Variants in PCDH15 observed in about 807,000 individuals in gnomAD.
PCDH15 encodes protocadherin-15.
A neutral mutation model predicts 178.5 loss-of-function variants in PCDH15; 129 were observed. The observed-to-expected ratio is 0.72, with a 90% confidence interval of 0.63 to 0.84. PCDH15 has a LOEUF of 0.84. PCDH15 is among the 40% of genes least tolerant of loss of function. The probability of loss-of-function intolerance (pLI) is 0.00; values close to 1 mark genes in which losing one functional copy is unlikely to be tolerated. For synonymous variants in PCDH15, 800 were observed against 732.0 expected (o/e 1.09, Z -1.50); for missense variants, 2,230 against 2,099.9 (o/e 1.06, Z -1.21).
chr10:54,253,463 T>C (rs2056660714), intron 8 of PCDH15, among the ~76,000 whole-genome samples: 1 of 151,988 alleles, frequency 6.6e-6, no homozygotes, highest in East Asian at 1.9e-4. Flanking sequence ...CAACAGTGAG[T>C]TATATATTTT....
intron 3 of PCDH15, among the ~76,000 whole-genome samples, chr10:54,854,249 C>T (rs1361493466): frequency 6.6e-6 from 1 of 152,168 alleles, no homozygotes; most frequent in East Asian, 1.9e-4. Context: ...CCAGAAACTC[C>T]AGGGCCCCAA....
At chr10:54,353,702 T>C (rs1380063322) in intron 5 of PCDH15, among the ~76,000 whole-genome samples, 1 of 152,218 alleles carries the variant, frequency 6.6e-6, no homozygotes, top group South Asian at 2.1e-4. Flanking sequence ...TCATTAATGT[T>C]TTTCAGATTC....
intron 3 of PCDH15, among the ~76,000 whole-genome samples, chr10:54,443,844 T>C (rs540305550): frequency 6.6e-6 from 1 of 151,796 alleles, no homozygotes; most frequent in East Asian, 1.9e-4. Flanking sequence ...CCATTGTCTC[T>C]TTTCCCAGCT....
intron 3 of PCDH15, among the ~76,000 whole-genome samples, chr10:54,388,073 G>C (rs900212712): frequency 6.6e-6 from 1 of 152,118 alleles, no homozygotes; most frequent in African/African-American, 2.4e-5. Context: ...ACAACTGTAT[G>C]AATATACTTA....
intron 13 of PCDH15, among the ~76,000 whole-genome samples, chr10:54,164,423 T>C (rs2046006810): frequency 6.6e-6 from 1 of 152,148 alleles, no homozygotes; most frequent in South Asian, 2.1e-4. Context: ...AACATAAAAC[T>C]TACAACTAGG....
chr10:55,360,289 G>C (rs751687194), intron 2 of PCDH15, among the ~76,000 whole-genome samples: 21 of 151,832 alleles, frequency 1.4e-4, no homozygotes, highest in Non-Finnish European at 2.9e-4. Context: ...TACATGAATT[G>C]TGTGTGTATA....
At chr10:55,621,216 T>C (rs529231039) in intron 2 of PCDH15, among the ~76,000 whole-genome samples, 2 of 152,330 alleles carry the variant, frequency 1.3e-5, no homozygotes, top group African/African-American at 4.8e-5. Context: ...AAATAAAAAC[T>C]GGAAAATTAT....
At chr10:55,434,235 T>C (rs1036741283) in intron 2 of PCDH15, among the ~76,000 whole-genome samples, 1 of 150,408 alleles carries the variant, frequency 6.6e-6, no homozygotes, top group Non-Finnish European at 1.5e-5. Context: ...GCCCAGCTAA[T>C]TTTTTTTTGT....
chr10:55,407,618 T>A (rs1341456233), intron 2 of PCDH15, among the ~76,000 whole-genome samples: 3 of 152,142 alleles, frequency 2.0e-5, no homozygotes, highest in Non-Finnish European at 4.4e-5. Context: ...ATCAAGCAGT[T>A]ATGAGGATTT....
chr10:54,194,062 G>GAAAA (rs10629717), intron 11 of PCDH15, among the ~76,000 whole-genome samples: 8,671 of 117,536 alleles, frequency 0.074, 314 homozygotes, highest in Admixed American at 0.11. Context: ...AGGAAAGATT[G>GAAAA]AAAAAAAAAA....
intron 1 of PCDH15, among the ~76,000 whole-genome samples, chr10:54,737,580 T>C (rs1944281413): frequency 6.6e-6 from 1 of 152,026 alleles, no homozygotes; most frequent in East Asian, 1.9e-4. Flanking sequence ...GTCAGGGCCA[T>C]TTTCTTATTC....
intron 2 of PCDH15, among the ~76,000 whole-genome samples, chr10:55,403,971 A>G (rs1054852132): frequency 6.6e-6 from 1 of 152,072 alleles, no homozygotes; most frequent in Non-Finnish European, 1.5e-5. Flanking sequence ...GTCTGAAAAC[A>G]GAAGTTTAAA....
Position 55,463,953 on chromosome 10 carries a change from GAA to G in PCDH15, c.-156+163670_-156+163671del, listed in dbSNP as rs1198128247. 2.4e-3 allele frequency among the ~76,000 whole-genome samples: 71 copies of G among 29,512 alleles called. 6 individuals are homozygous for G. Among genetic ancestry groups the G allele is most frequent in the African/African-American group, 0.014 (39 of 2,826 alleles). 19.4% of individuals were successfully genotyped at this position (29,512 alleles called of 152,430 possible). ...AGAAAGAAAGAAAGAAAGAAAGAAA[GAA>G]AGAAAGAAAGAAAGAAAGAGAAAGA... On this transcript the variant is annotated intron_variant, in intron 2 of 5. Coordinates refer to the PCDH15 transcript ENST00000613346.
intron 2 of PCDH15, among the ~76,000 whole-genome samples, chr10:55,432,020 GA>G (rs1043886563): frequency 2.0e-5 from 3 of 151,406 alleles, no homozygotes; most frequent in Admixed American, 2.0e-4. Flanking sequence ...GTCAGATTGT[GA>G]GAAGTACTAT....
intron 25 of PCDH15, among the ~76,000 whole-genome samples, chr10:53,920,860 T>A (rs967756154): frequency 1.1e-4 from 16 of 152,184 alleles, no homozygotes; most frequent in African/African-American, 3.9e-4. Context: ...TCGTGAAGAT[T>A]CAACCAAGAA....
chr10:54,710,430 C>T (rs570911464), intron 1 of PCDH15, among the ~76,000 whole-genome samples: 11 of 151,986 alleles, frequency 7.2e-5, no homozygotes, highest in South Asian at 6.2e-4. Flanking sequence ...AATTTCTGAG[C>T]GAAGCATTTC....
chr10:54,965,272 C>T (rs559149119), intron 2 of PCDH15, among the ~76,000 whole-genome samples: 133 of 152,208 alleles, frequency 8.7e-4, no homozygotes, highest in African/African-American at 3.1e-3. Context: ...AATTGTAGCT[C>T]CCATTATCCA....
intron 1 of PCDH15, among the ~76,000 whole-genome samples, chr10:55,270,217 T>C (rs1468836149): frequency 6.6e-6 from 1 of 152,126 alleles, no homozygotes; most frequent in African/African-American, 2.4e-5. Context: ...CTTCTGAACA[T>C]TGGCTTTGGC....
Position 54,919,418 on chromosome 10 carries a change from T to G in PCDH15, c.-79-21918A>C, listed in dbSNP as rs557588283. 1.7e-3 allele frequency among the ~76,000 whole-genome samples: 261 copies of G among 152,308 alleles called. 1 individual carries two copies. Among genetic ancestry groups the G allele is most frequent in the Non-Finnish European group, 3.3e-3 (225 of 68,010 alleles). On this transcript the variant is annotated intron_variant, in intron 2 of 5. Coordinates refer to the PCDH15 transcript ENST00000458638. ...CTGAAAGAATTTCACCCACGTTTTG[T>G]ACTTGATTTACTTTCAGCTGTTCTT... is the stretch of plus-strand genomic sequence containing the variant.
Sources: gnomAD v4.1 joint callset for allele counts (sites outside exome capture counted in the v4.1 genomes callset) on GRCh38, gnomAD v4.1.1 for gene constraint, MANE v1.5 for transcripts, NCBI Gene and HGNC (gene_info 2026-07-23, HGNC 2026-07-21) for gene names.